Variants in ITSN1 observed in about 807,000 individuals in gnomAD.
The protein encoded by ITSN1 is intersectin-1.
ITSN1 carries 58 observed loss-of-function variants against 239.8 expected under a neutral mutation model. The observed-to-expected ratio is 0.24, with a 90% CI of 0.20 to 0.30. ITSN1 has a LOEUF of 0.30. Ranked by LOEUF, ITSN1 falls within the 10% of genes least tolerant of loss-of-function variation. ITSN1 has a pLI of 1.00. For synonymous variants in ITSN1, 780 were observed against 770.8 expected (o/e 1.01, Z -0.20); for missense variants, 1,558 against 2,103.3 (o/e 0.74, Z 5.07).
intron 4 of ITSN1, among the ~76,000 whole-genome samples, chr21:33,725,151 T>C (rs2065752931): frequency 1.1e-5 from 1 of 91,900 alleles, no homozygotes; most frequent in Admixed American, 1.2e-4. Flanking sequence ...TTTTTTTTTT[T>C]TGAGATGGAG....
chr21:33,753,361 G>A (rs913496797), intron 7 of ITSN1, among the ~76,000 whole-genome samples: 3 of 152,120 alleles, frequency 2.0e-5, no homozygotes, highest in Non-Finnish European at 2.9e-5. Flanking sequence ...TGGTGCATGA[G>A]GAAGCACACC....
At chr21:33,759,435 C>G (rs1451376931) in intron 8 of ITSN1, among the ~76,000 whole-genome samples, 1 of 152,142 alleles carries the variant, frequency 6.6e-6, no homozygotes, top group African/African-American at 2.4e-5. Context: ...TATTGTTAGG[C>G]TTTTTATGTG....
chr21:33,644,544 T>G (rs1395818852), intron 1 of ITSN1, among the ~76,000 whole-genome samples: 1 of 152,178 alleles, frequency 6.6e-6, no homozygotes, highest in Non-Finnish European at 1.5e-5. Context: ...ATGAACAAAT[T>G]TTTAATGTAC....
At chr21:33,801,414 T>C (rs1275816484) in intron 19 of ITSN1, among the ~76,000 whole-genome samples, 1 of 152,178 alleles carries the variant, frequency 6.6e-6, no homozygotes, top group Non-Finnish European at 1.5e-5. Context: ...AATAGCTGCT[T>C]TCTCTGTAAT....
intron 6 of ITSN1, 63 bp downstream of exon 6, chr21:33,750,385 A>G (rs1297928078): frequency 2.8e-6 from 4 of 1,435,804 alleles, no homozygotes; most frequent in Non-Finnish European, 3.9e-6. Context: ...GTTCATTATT[A>G]AAATATTTTC....
intron 24 of ITSN1, among the ~76,000 whole-genome samples, chr21:33,822,309 A>T (rs1471950886): frequency 6.6e-6 from 1 of 152,230 alleles, no homozygotes; most frequent in Non-Finnish European, 1.5e-5. Flanking sequence ...CTCCATAAAA[A>T]ATTCCTACCT....
At chr21:33,722,754 C>T (rs2065576940) in intron 4 of ITSN1, 103 bp downstream of exon 4, 7 of 1,106,022 alleles carry the variant, frequency 6.3e-6, no homozygotes, top group South Asian at 4.4e-5. Flanking sequence ...AAAAGGAGAA[C>T]ATGTATCTCT....
chr21:33,877,825 T>TG (rs1984197593), intron 34 of ITSN1, among the ~76,000 whole-genome samples: 41 of 147,318 alleles, frequency 2.8e-4, no homozygotes, highest in Admixed American at 2.3e-3. Flanking sequence ...TGTTTCTATT[T>TG]TGTGTGTGTG....
intron 29 of ITSN1, among the ~76,000 whole-genome samples, chr21:33,851,314 C>A (rs1228054700): frequency 6.6e-6 from 1 of 152,218 alleles, no homozygotes; most frequent in East Asian, 1.9e-4. Context: ...TCGAGGAAGC[C>A]TCCCCTTAGC....
intron 17 of ITSN1, 101 bp downstream of exon 17, chr21:33,794,569 T>A (rs2071389226): frequency 6.8e-7 from 1 of 1,464,706 alleles, no homozygotes; most frequent in African/African-American, 1.4e-5. Context: ...GAAAGAGCCT[T>A]CAGTCTTTAG....
chr21:33,722,483 G>T, intron 3 of ITSN1, 105 bp from the exon 4 acceptor site: 4 of 1,361,858 alleles, frequency 2.9e-6, no homozygotes, highest in Non-Finnish European at 1.9e-6. Context: ...GGTATTTATA[G>T]TATTACCAGC....
rs754602410 is a variant in ITSN1 at position 33,892,369 on chromosome 21, C to T, written c.*4069C>T. 6.6e-6 allele frequency: 1 copy of T among 152,196 alleles called. No homozygotes were observed. Among genetic ancestry groups the T allele is most frequent in the East Asian group, 1.9e-4 (1 of 5,194 alleles). The allele number at this position is 152,196 out of a possible 1,614,324, so 9.4% of individuals were successfully genotyped here. ...GCTGAAATTCCTGCTAGAGACTTCC[C>T]CTTACTTCCATGAATGGCCCAGGGG... On this transcript the variant is annotated 3_prime_UTR_variant, in exon 40 of 40. Coordinates refer to ENST00000381318, the MANE Select transcript of ITSN1 (RefSeq NM_003024.3).
chr21:33,753,212 A>G (rs1169999739), intron 7 of ITSN1, among the ~76,000 whole-genome samples: 1 of 149,598 alleles, frequency 6.7e-6, no homozygotes, highest in Non-Finnish European at 1.5e-5. Context: ...TAATTGTAGG[A>G]TACAGGTATT....
intron 1 of ITSN1, among the ~76,000 whole-genome samples, chr21:33,659,004 C>T (rs993600447): frequency 4.0e-4 from 61 of 152,056 alleles, no homozygotes; most frequent in African/African-American, 1.1e-3. Context: ...GGGGGTGGTC[C>T]GGAGGAAGCA....
chr21:33,845,332 G>A (rs1193829199), intron 29 of ITSN1, among the ~76,000 whole-genome samples: 1 of 152,094 alleles, frequency 6.6e-6, no homozygotes. Flanking sequence ...GCAAAGGCCA[G>A]GGCTGAAGGA....
At position 33,883,431 on chromosome 21, in the gene ITSN1, G is replaced by A. The variant is rs534810467; in HGVS notation, c.4555-119G>A. On this transcript the variant is annotated intron_variant, in intron 35 of 39. Transcript: ENST00000381318. ...CACACGCACGAGTGTGCACACACGCGCTGACTTGCAGTCTCGTTTACTAGA... is the reference window on the plus strand; with the variant it reads ...CACACGCACGAGTGTGCACACACGCACTGACTTGCAGTCTCGTTTACTAGA... 199 of 1,358,130 alleles carry A rather than the reference G, an allele frequency of 1.5e-4. No individual in the cohort carries two copies. The African/African-American group carries it at 2.5e-3, about 17-fold the overall frequency. The allele number at this position is 1,358,130 out of a possible 1,614,324, so 84.1% of individuals were successfully genotyped here. A position where few individuals can be genotyped will look rare whatever the true frequency, so the allele number is the denominator to read the frequency against.
At chr21:33,836,238 G>A (rs1386018052) in intron 28 of ITSN1, among the ~76,000 whole-genome samples, 6 of 152,176 alleles carry the variant, frequency 3.9e-5, no homozygotes, top group Non-Finnish European at 7.4e-5. Flanking sequence ...AAGACTTAGT[G>A]TGAAAATTTT....
At chr21:33,684,038 A>G (rs2091110912) in intron 1 of ITSN1, among the ~76,000 whole-genome samples, 3 of 152,196 alleles carry the variant, frequency 2.0e-5, no homozygotes, top group Non-Finnish European at 2.9e-5. Flanking sequence ...TAGAGACTCA[A>G]TGTGAGCCCT....
chr21:33,751,687 G>A, intron 6 of ITSN1, 123 bp from the exon 7 acceptor site: 1 of 725,022 alleles, frequency 1.4e-6, no homozygotes, highest in Non-Finnish European at 2.3e-6. Flanking sequence ...TTTCAGTCTA[G>A]GCTGGCAAGA....
Sources: allele counts gnomAD v4.1 joint callset (sites outside exome capture counted in the v4.1 genomes callset), GRCh38; gene constraint gnomAD v4.1.1; transcripts MANE v1.5; gene names NCBI Gene and HGNC (gene_info 2026-07-23, HGNC 2026-07-21).